PIK3C3: variants seen among roughly 807,000 people sequenced by gnomAD.
PIK3C3 encodes PI3-kinase type 3.
PIK3C3 carries 95 observed loss-of-function variants against 126.1 expected under a neutral mutation model. The ratio of observed to expected loss-of-function variants is 0.75; its 90% CI spans 0.64 to 0.89. The LOEUF (loss-of-function observed/expected upper bound fraction) is 0.89. Ranked by LOEUF, PIK3C3 falls within the 40% of genes least tolerant of loss-of-function variation. The probability of loss-of-function intolerance (pLI) is 0.00; values close to 1 mark genes in which losing one functional copy is unlikely to be tolerated. For synonymous variants in PIK3C3, 374 were observed against 360.0 expected (o/e 1.04, Z -0.44); for missense variants, 829 against 1,063.2 (o/e 0.78, Z 3.06).
rs145730776 is a variant in PIK3C3, at chr18:42,037,333, A to G, written c.1840-359A>G. Among the ~76,000 whole-genome samples, 76 of 152,348 alleles carry G rather than the reference A, an allele frequency of 5.0e-4. 1 individual carries two copies. The highest frequency in any genetic ancestry group is 1.6e-3 in the African/African-American group (67 of 41,584). The stretch of plus-strand genomic sequence containing the variant: ...GCATGGTGCCAGACTATTGACCTGT[A>G]TAGTTTCTGATTGCCTTAGCAACTC... On this transcript the variant is annotated intron_variant, in intron 16 of 24. Transcript: ENST00000262039.
chr18:42,029,011 AAAT>A (rs1181749799), intron 14 of PIK3C3, among the ~76,000 whole-genome samples: 1 of 152,206 alleles, frequency 6.6e-6, no homozygotes, highest in Non-Finnish European at 1.5e-5. Flanking sequence ...TTATTGAATC[AAAT>A]AATGAGTGAA....
intron 3 of PIK3C3, among the ~76,000 whole-genome samples, chr18:41,968,891 C>T (rs1241290766): frequency 1.3e-5 from 2 of 151,830 alleles, no homozygotes; most frequent in African/African-American, 4.8e-5. Flanking sequence ...AAACATGGCT[C>T]ACTATAGCCT....
chr18:42,076,364 T>G (rs1258868945), intron 24 of PIK3C3, among the ~76,000 whole-genome samples: 3 of 151,880 alleles, frequency 2.0e-5, no homozygotes, highest in Non-Finnish European at 4.4e-5. Flanking sequence ...TTAACTTTTC[T>G]TAATCTTTCA....
rs1160254450 is a variant in PIK3C3 at position 42,087,029 on chromosome 18, C to CT, written c.*5897dup. On this transcript the variant is annotated 3_prime_UTR_variant, in exon 25 of 25. Transcript: ENST00000262039. Reference sequence around the variant, plus strand: ...GGTGCAAAACTAGGTGCTAAGTACACTTTTTCCCCCCTTTCCTCTATTTTT... The same window carrying CT: ...GGTGCAAAACTAGGTGCTAAGTACACTTTTTTCCCCCCTTTCCTCTATTTTT... The CT allele has an allele frequency of 6.6e-6, 1 of 152,192 alleles. No homozygotes were observed. Among genetic ancestry groups the CT allele is most frequent in the Non-Finnish European group, 1.5e-5 (1 of 68,084 alleles). 9.4% of individuals were successfully genotyped at this position (152,192 alleles called of 1,614,324 possible). A position where few individuals can be genotyped will look rare whatever the true frequency, so the allele number is the denominator to read the frequency against.
intron 4 of PIK3C3, among the ~76,000 whole-genome samples, chr18:41,982,589 T>C (rs564850994): frequency 2.0e-5 from 3 of 152,332 alleles, no homozygotes; most frequent in Admixed American, 2.0e-4. Flanking sequence ...TAAATTACTT[T>C]AGCTTTTAAA....
intron 10 of PIK3C3, among the ~76,000 whole-genome samples, 168 bp from the exon 11 acceptor site, chr18:42,013,274 G>A (rs187500911): frequency 1.5e-4 from 23 of 152,096 alleles, no homozygotes; most frequent in African/African-American, 5.5e-4. Flanking sequence ...AAGATGAAGG[G>A]GCTGTGGGGC....
chr18:42,027,411 AC>A (rs757458167), intron 13 of PIK3C3, 31 bp from the exon 14 acceptor site: 1 of 1,257,788 alleles, frequency 8.0e-7, no homozygotes, highest in Non-Finnish European at 1.1e-6. Flanking sequence ...GTTTCATTTC[AC>A]ATCACATGAA....
At chr18:41,966,958 C>T (rs879568389) in intron 3 of PIK3C3, among the ~76,000 whole-genome samples, 1 of 152,178 alleles carries the variant, frequency 6.6e-6, no homozygotes, top group Non-Finnish European at 1.5e-5. Flanking sequence ...AAATCACCAA[C>T]TCCTGTTCCC....
At chr18:42,031,067 C>G (rs953051327) in intron 15 of PIK3C3, among the ~76,000 whole-genome samples, 2 of 152,082 alleles carry the variant, frequency 1.3e-5, no homozygotes, top group Non-Finnish European at 2.9e-5. Flanking sequence ...TGGTAAAAGA[C>G]AAACAATTTT....
chr18:41,987,517 A>AT (rs1981543436), intron 4 of PIK3C3, among the ~76,000 whole-genome samples: 1 of 152,088 alleles, frequency 6.6e-6, no homozygotes, highest in Admixed American at 6.6e-5. Context: ...TCTCTTTGTA[A>AT]TAGTCAAAAT....
At chr18:42,035,939 A>G (rs1044577434) in intron 16 of PIK3C3, among the ~76,000 whole-genome samples, 4 of 152,156 alleles carry the variant, frequency 2.6e-5, no homozygotes, top group African/African-American at 7.2e-5. Flanking sequence ...GGATAAGTGC[A>G]TGTTATCCTG....
chr18:42,079,836 CT>C (rs1189914919), intron 24 of PIK3C3, among the ~76,000 whole-genome samples: 1 of 152,118 alleles, frequency 6.6e-6, no homozygotes, highest in Non-Finnish European at 1.5e-5. Flanking sequence ...CTTCAAAAGC[CT>C]TCAAAAAGAA....
intron 12 of PIK3C3, among the ~76,000 whole-genome samples, chr18:42,020,223 C>T (rs1381393198): frequency 6.6e-6 from 1 of 152,128 alleles, no homozygotes; most frequent in Non-Finnish European, 1.5e-5. Flanking sequence ...TCTTTTCAGT[C>T]TCTTCAGTGT....
intron 10 of PIK3C3, 137 bp downstream of exon 10, chr18:42,004,678 G>A: frequency 3.1e-6 from 2 of 641,896 alleles, no homozygotes; most frequent in East Asian, 3.0e-5. Flanking sequence ...AAGGGAAGAG[G>A]ATATACTAGG....
At chr18:41,980,366 A>G (rs1981137728) in intron 4 of PIK3C3, among the ~76,000 whole-genome samples, 1 of 152,146 alleles carries the variant, frequency 6.6e-6, no homozygotes, top group East Asian at 1.9e-4. Context: ...TCTATTTTCT[A>G]ATCAACTGCC....
In PIK3C3 at chr18:42,040,753, A is replaced by G. The variant is rs1984275775; in HGVS notation, c.2103+12A>G. The G allele has an allele frequency of 1.3e-6, 2 of 1,537,002 alleles. No homozygotes were observed. Among genetic ancestry groups the G allele is most frequent in the South Asian group, 1.1e-5 (1 of 88,082 alleles). ...AGGGAAGCATTCAGGTATGGTATCAATAAAGATTATGCAATTCATGAATAT... is the reference window on the plus strand; with the variant it reads ...AGGGAAGCATTCAGGTATGGTATCAGTAAAGATTATGCAATTCATGAATAT... On this transcript the variant is annotated intron_variant, in intron 19 of 24. Transcript: ENST00000262039.
chr18:41,972,040 G>A (rs921752470), intron 4 of PIK3C3, among the ~76,000 whole-genome samples: 2 of 151,950 alleles, frequency 1.3e-5, no homozygotes, highest in Non-Finnish European at 2.9e-5. Context: ...TTCAGGCATC[G>A]GTGTATGGAG....
chr18:41,996,019 T>G (rs761254578), intron 8 of PIK3C3, 25 bp downstream of exon 8: 1 of 1,442,146 alleles, frequency 6.9e-7, no homozygotes, highest in South Asian at 1.2e-5. Context: ...AAATATTAAT[T>G]TAAAAATAGT....
intron 4 of PIK3C3, among the ~76,000 whole-genome samples, chr18:41,987,131 T>A (rs890696673): frequency 2.0e-5 from 3 of 152,094 alleles, no homozygotes; most frequent in African/African-American, 7.2e-5. Flanking sequence ...GGTGTTGATT[T>A]TTAGTATTAC....
Sources: allele counts gnomAD v4.1 joint callset (sites outside exome capture counted in the v4.1 genomes callset), GRCh38; gene constraint gnomAD v4.1.1; transcripts MANE v1.5; gene names NCBI Gene and HGNC (gene_info 2026-07-23, HGNC 2026-07-21).